COG3: variants seen among roughly 807,000 people sequenced by gnomAD.
COG3 encodes component of oligomeric golgi complex 3.
A neutral mutation model predicts 114.1 loss-of-function variants in COG3; 32 were observed. The observed-to-expected ratio is 0.28, with a 90% CI of 0.21 to 0.38. The LOEUF (loss-of-function observed/expected upper bound fraction) is 0.38. COG3 is among the 10% of genes least tolerant of loss of function. COG3 has a pLI of 1.00. For missense variants in COG3, 813 were observed against 973.2 expected, an observed-to-expected ratio of 0.84 and a Z score of 2.19; for synonymous variants, 352 against 365.7, an observed-to-expected ratio of 0.96 and a Z score of 0.43.
intron 1 of COG3, 154 bp downstream of exon 1, chr13:45,465,364 C>T: frequency 1.6e-6 from 2 of 1,284,572 alleles, no homozygotes; most frequent in Non-Finnish European, 2.1e-6. Flanking sequence ...GCCTCATCTC[C>T]CAGGCTGTCA....
At chr13:45,469,281 G>A (rs1328920525) in intron 1 of COG3, among the ~76,000 whole-genome samples, 1 of 152,154 alleles carries the variant, frequency 6.6e-6, no homozygotes, top group African/African-American at 2.4e-5. Context: ...CTCAAGTAGA[G>A]TTTTCAAATT....
chr13:45,479,089 T>C (rs753459358), intron 3 of COG3, 23 bp downstream of exon 3: 1 of 1,524,970 alleles, frequency 6.6e-7, no homozygotes, highest in Non-Finnish European at 9.0e-7. Flanking sequence ...CTTGCATTTG[T>C]TGAATATCTT....
intron 22 of COG3, 37 bp downstream of exon 22, chr13:45,530,817 C>A: frequency 1.3e-6 from 2 of 1,593,704 alleles, no homozygotes; most frequent in Non-Finnish European, 1.7e-6. Context: ...TACTTTTATG[C>A]CCTCTTGGTT....
In COG3 at chr13:45,512,226, T is replaced by C. The variant is rs544342449; in HGVS notation, c.1809+372T>C. 2.0e-5 allele frequency among the ~76,000 whole-genome samples: 3 copies of C among 152,346 alleles called. 1 individual carries two copies. The highest frequency in any genetic ancestry group is 7.2e-5 in the African/African-American group (3 of 41,578). Reference sequence around the variant, plus strand: ...CTCTCTACGATAATGTTTTAAATAGTTGAATGTTCTTACATGGAGGAAATG... The same window carrying C: ...CTCTCTACGATAATGTTTTAAATAGCTGAATGTTCTTACATGGAGGAAATG... On this transcript the variant is annotated intron_variant, in intron 16 of 22. Coordinates refer to ENST00000349995, the MANE Select transcript of COG3 (RefSeq NM_031431.4).
Position 45,511,689 on chromosome 13 carries a change from A to T in COG3, c.1720-76A>T, listed in dbSNP as rs898283741. On this transcript the variant is annotated intron_variant, in intron 15 of 22. Transcript: ENST00000349995. ...AGGGCAAGCAGGCATTGTTATTTGC[A>T]CTTACAGCCTAGGATATTCCTTTTT... 12 of 1,057,146 alleles carry T rather than the reference A, an allele frequency of 1.1e-5. No homozygotes were observed. The East Asian group carries it at 2.4e-4, about 21-fold the overall frequency. 65.5% of individuals were successfully genotyped at this position (1,057,146 alleles called of 1,614,324 possible).
At chr13:45,528,955 G>T (rs981624513) in intron 20 of COG3, among the ~76,000 whole-genome samples, 1 of 152,296 alleles carries the variant, frequency 6.6e-6, no homozygotes, top group African/African-American at 2.4e-5. Flanking sequence ...AGTTTTGCTA[G>T]ATAGCGCCTA....
Position 45,493,423 on chromosome 13 carries a change from A to T in COG3, c.1264A>T (p.Thr422Ser), listed in dbSNP as rs771143492. The T allele has an allele frequency of 6.2e-7, 1 of 1,613,058 alleles. No individual in the cohort carries two copies. Among genetic ancestry groups the T allele is most frequent in the South Asian group, 1.1e-5 (1 of 91,028 alleles). The part of the protein sequence containing the change: ...PLIIHVIHLE[T>S]LSELCGILKN... The stretch of plus-strand genomic sequence containing the variant: ...GATCATTCATGTTATTCACTTAGAG[A>T]CTCTGTCGGAACTTTGTGGGATTCT... The change falls in exon 12 of 23, where the codon ACT becomes TCT. Residue 422 changes from threonine (T) to serine (S), a missense_variant. By Grantham distance (58) the Thr-to-Ser change is moderately conservative. This residue lies in a region of COG3 where 389 missense variants were observed against 542.6 expected (regional missense o/e 0.72). Coordinates refer to ENST00000349995, the MANE Select transcript of COG3 (RefSeq NM_031431.4).
intron 19 of COG3, among the ~76,000 whole-genome samples, chr13:45,520,420 A>G (rs1415912749): frequency 6.6e-6 from 1 of 152,222 alleles, no homozygotes; most frequent in East Asian, 1.9e-4. Context: ...TAAAAATATG[A>G]TGGCTCTTAT....
intron 19 of COG3, among the ~76,000 whole-genome samples, chr13:45,522,253 A>G (rs1353409498): frequency 6.6e-6 from 1 of 152,158 alleles, no homozygotes; most frequent in African/African-American, 2.4e-5. Flanking sequence ...CTCATCAACA[A>G]AATGTCCTCA....
intron 7 of COG3, among the ~76,000 whole-genome samples, chr13:45,485,043 CCCCACCTTT>C (rs1208522233): frequency 7.4e-6 from 1 of 136,028 alleles, no homozygotes; most frequent in African/African-American, 2.7e-5. Context: ...TCAATCTTTT[CCCCACCTTT>C]CCCGCCTTTC....
chr13:45,516,216 C>A lies in COG3; in HGVS notation c.1883C>A (p.Thr628Asn). The A allele has an allele frequency of 1.9e-6, 3 of 1,601,864 alleles. No homozygotes were observed. The highest frequency in any genetic ancestry group is 2.6e-6 in the Non-Finnish European group (3 of 1,171,988). ...CGTGAACAAATTGCTCCATTTCACACTGAATTCACCATTAAGGAAATTTCC... is the reference window on the plus strand; with the variant it reads ...CGTGAACAAATTGCTCCATTTCACAATGAATTCACCATTAAGGAAATTTCC... The part of the protein sequence containing the change: ...ILREQIAPFH[T>N]EFTIKEISLD... The change falls in exon 17 of 23, where the codon ACT becomes AAT. Residue 628 changes from threonine to asparagine, a missense_variant. Physicochemically the swap from Thr to Asn is moderately conservative, Grantham distance 65. This residue lies in a region of COG3 where 389 missense variants were observed against 542.6 expected (regional missense o/e 0.72). Coordinates refer to ENST00000349995, the MANE Select transcript of COG3 (RefSeq NM_031431.4).
intron 8 of COG3, among the ~76,000 whole-genome samples, chr13:45,487,728 A>G (rs1224467863): frequency 6.6e-6 from 1 of 152,226 alleles, no homozygotes; most frequent in Non-Finnish European, 1.5e-5. Context: ...TCAAGAAGAC[A>G]TAAAACAAAT....
chr13:45,500,865 G>A (rs1869448924), intron 13 of COG3, among the ~76,000 whole-genome samples: 1 of 152,014 alleles, frequency 6.6e-6, no homozygotes, highest in South Asian at 2.1e-4. Context: ...TCTTGTTTTC[G>A]ATGACTTAGC....
intron 2 of COG3, 104 bp downstream of exon 2, chr13:45,476,451 T>G: frequency 8.7e-7 from 1 of 1,151,348 alleles, no homozygotes. Flanking sequence ...TCACCATAAT[T>G]AACATTAAGT....
intron 2 of COG3, among the ~76,000 whole-genome samples, chr13:45,477,193 G>A (rs917355222): frequency 1.3e-5 from 2 of 152,092 alleles, no homozygotes; most frequent in African/African-American, 2.4e-5. Flanking sequence ...TAAATGCTCA[G>A]CAAATGATAG....
intron 16 of COG3, 94 bp from the exon 17 acceptor site, chr13:45,516,049 T>C: frequency 1.1e-6 from 1 of 878,802 alleles, no homozygotes. Context: ...GCTGTAAACC[T>C]AGGTAGATTA....
intron 8 of COG3, among the ~76,000 whole-genome samples, chr13:45,487,181 A>G (rs544139251): frequency 6.6e-6 from 1 of 152,334 alleles, no homozygotes; most frequent in South Asian, 2.1e-4. Context: ...TGCTGGGAAA[A>G]CTAGATATTC....
Position 45,536,011 on chromosome 13 carries a change from C to A in COG3, c.*1280C>A. The A allele has an allele frequency of 8.0e-6, 2 of 249,632 alleles. No individual in the cohort carries two copies. Among genetic ancestry groups the A allele is most frequent in the Non-Finnish European group, 1.3e-5 (2 of 155,544 alleles). 15.5% of individuals were successfully genotyped at this position (249,632 alleles called of 1,614,324 possible). A position where few individuals can be genotyped will look rare whatever the true frequency, so the allele number is the denominator to read the frequency against. The stretch of plus-strand genomic sequence containing the variant: ...TAGACGTACTGAGGCAGCACTTCTG[C>A]AGGGTGCATACCCTGATTGTTGTCA... On this transcript the variant is annotated 3_prime_UTR_variant, in exon 23 of 23. Coordinates refer to ENST00000349995, the MANE Select transcript of COG3 (RefSeq NM_031431.4).
rs961167424 is a variant in COG3 at position 45,535,643 on chromosome 13, C to G, written c.*912C>G. On this transcript the variant is annotated 3_prime_UTR_variant, in exon 23 of 23. Transcript: ENST00000349995. ...AAAAGCAAACACTTTCATGTCCTGTCTATTCATTCAGCTGGCTGTGCTGTG... is the reference window on the plus strand; with the variant it reads ...AAAAGCAAACACTTTCATGTCCTGTGTATTCATTCAGCTGGCTGTGCTGTG... The G allele has an allele frequency of 1.7e-5, 17 of 985,544 alleles. No homozygotes were observed. The highest frequency in any genetic ancestry group is 2.0e-5 in the Non-Finnish European group (17 of 830,102). The allele number at this position is 985,544 out of a possible 1,614,324, so 61.0% of individuals were successfully genotyped here.
Sources: gnomAD v4.1 joint callset for allele counts (sites outside exome capture counted in the v4.1 genomes callset) on GRCh38, gnomAD v4.1.1 for gene constraint, gnomAD v4.1.1 regional missense constraint, MANE v1.5 for transcripts, NCBI Gene and HGNC (gene_info 2026-07-23, HGNC 2026-07-21) for gene names.